GLIS3: variants seen among roughly 807,000 people sequenced by gnomAD.
GLIS3 encodes the protein GLIS family zinc finger 3.
Under a neutral mutation model 78.6 loss-of-function variants are expected in GLIS3, and 53 were observed. The observed-to-expected ratio is 0.67, with a 90% CI of 0.54 to 0.85. The LOEUF is 0.85. Ranked by LOEUF, GLIS3 falls within the 40% of genes least tolerant of loss-of-function variation. The pLI is 0.00. For missense variants in GLIS3, 1,703 were observed against 1,231.1 expected (o/e 1.38, Z -5.74); for synonymous variants, 684 against 509.9 (o/e 1.34, Z -4.60).
At chr9:4,312,297 A>G (rs556854777) in intron 2 of GLIS3, among the ~76,000 whole-genome samples, 8 of 152,150 alleles carry the variant, frequency 5.3e-5, no homozygotes, top group Non-Finnish European at 1.2e-4. Context: ...GCAAAACCCC[A>G]TCTCTACTAA....
At chr9:4,466,524 G>C in the GLIS3 span, among the ~76,000 whole-genome samples, 1 of 152,102 alleles carries the variant, frequency 6.6e-6, no homozygotes, top group Non-Finnish European at 1.5e-5. Flanking sequence ...TCATAACATA[G>C]ATATAAAATT....
At position 4,118,246 on chromosome 9, in the gene GLIS3, A is replaced by G. The variant is rs896124023; in HGVS notation, c.1232T>C (p.Met411Thr). Residue 411 changes from methionine (M) to threonine (T), a missense_variant, in exon 4 of 11, where the codon ATG becomes ACG. Coordinates refer to ENST00000381971, the MANE Select transcript of GLIS3 (RefSeq NM_001042413.2). This position sits in a 1 kb window ranked among gnomAD's most constrained non-coding sequence, Gnocchi z 4.7. ...GGLQPGLVNH[M>T]VVQHGLPGPD... is the part of the protein sequence containing the mutation. The stretch of plus-strand genomic sequence containing the variant: ...GCCCGGCAGGCCATGCTGCACCACC[A>G]TGTGGTTGACCAGGCCTGGCTGCAG... The G allele has an allele frequency of 5.0e-6, 8 of 1,591,134 alleles. No homozygotes were observed. In the African/African-American group the frequency reaches 8.0e-5, roughly 16 times the overall value.
chr9:3,878,337 A>G (rs935978696), intron 8 of GLIS3, among the ~76,000 whole-genome samples: 10 of 152,238 alleles, frequency 6.6e-5, no homozygotes, highest in East Asian at 1.9e-4. Context: ...GCATATTTTA[A>G]TAACTTTTTG....
At position 3,898,680 on chromosome 9, in the gene GLIS3, G is replaced by A; in HGVS notation, c.2128+11C>T. ...GGTAGTTGTGGTTGGCTCTGCCTTT[G>A]CTGTCTTTACCTGAATAGAGGTCAG... is the stretch of plus-strand genomic sequence containing the variant. On this transcript the variant is annotated intron_variant, in intron 7 of 10. Transcript: ENST00000381971. 1 of 1,614,024 alleles carries A rather than the reference G, an allele frequency of 6.2e-7. No individual in the cohort carries two copies. Among genetic ancestry groups the A allele is most frequent in the Non-Finnish European group, 8.5e-7 (1 of 1,179,962 alleles).
intron 4 of GLIS3, among the ~76,000 whole-genome samples, chr9:4,058,944 T>C (rs1171464679): frequency 1.3e-5 from 2 of 149,290 alleles, no homozygotes; most frequent in African/African-American, 2.5e-5. Context: ...ATTGCGCCAC[T>C]GCACTCCAGC....
chr9:4,118,254 G>A lies in GLIS3; in HGVS notation c.1224C>T (p.Val408=). The change falls in exon 4 of 11, where the codon GTC becomes GTT. Residue 408 remains valine, a synonymous_variant. Coordinates refer to ENST00000381971, the MANE Select transcript of GLIS3 (RefSeq NM_001042413.2). The surrounding 1 kb of genome is among the most constrained non-coding windows in gnomAD (Gnocchi z 4.7). The part of the protein sequence containing the change: ...LEHGGLQPGL[V]NHMVVQHGLP... ...GGCCATGCTGCACCACCATGTGGTT[G>A]ACCAGGCCTGGCTGCAGGCCGCCGT... 1 of 1,590,108 alleles carries A rather than the reference G, an allele frequency of 6.3e-7. No individual in the cohort carries two copies.
chr9:4,450,082 G>C, the GLIS3 span, among the ~76,000 whole-genome samples: 3 of 152,068 alleles, frequency 2.0e-5, no homozygotes, highest in Admixed American at 6.6e-5. Flanking sequence ...CCCATCACAA[G>C]GAAGCTAAAA....
At chr9:3,864,155 A>T (rs985560103) in intron 8 of GLIS3, among the ~76,000 whole-genome samples, 1 of 152,184 alleles carries the variant, frequency 6.6e-6, no homozygotes, top group Admixed American at 6.5e-5. Context: ...TGAAAAAAAA[A>T]TCTGCAATGA....
At chr9:4,282,368 C>T (rs776124160) in intron 2 of GLIS3, among the ~76,000 whole-genome samples, 8 of 152,186 alleles carry the variant, frequency 5.3e-5, no homozygotes, top group Non-Finnish European at 1.0e-4. Context: ...TTAGTCAGTA[C>T]ACTGAGTAAA....
chr9:4,487,342 G>A, the GLIS3 span, among the ~76,000 whole-genome samples: 1 of 152,088 alleles, frequency 6.6e-6, no homozygotes, highest in African/African-American at 2.4e-5. Flanking sequence ...TTTTGTGCCA[G>A]GGAGTGTTCT....
chr9:4,173,980 C>G (rs965027102), intron 2 of GLIS3, among the ~76,000 whole-genome samples: 30 of 152,070 alleles, frequency 2.0e-4, no homozygotes, highest in African/African-American at 7.2e-4. Context: ...AACCGAAACA[C>G]TCCCATTTGT....
intron 4 of GLIS3, among the ~76,000 whole-genome samples, chr9:4,085,315 C>A (rs1828926798): frequency 6.6e-6 from 1 of 150,776 alleles, no homozygotes; most frequent in African/African-American, 2.4e-5. Flanking sequence ...TCTAAGGGTT[C>A]TTTTTTCTTC....
the GLIS3 span, among the ~76,000 whole-genome samples, chr9:4,392,049 C>G: frequency 1.3e-5 from 2 of 152,146 alleles, no homozygotes; most frequent in Non-Finnish European, 2.9e-5. Context: ...GTACATTATA[C>G]ACCATGGAAT....
intron 2 of GLIS3, among the ~76,000 whole-genome samples, chr9:4,265,053 T>A (rs1825860598): frequency 6.6e-6 from 1 of 151,308 alleles, no homozygotes; most frequent in Non-Finnish European, 1.5e-5. Context: ...GCGCCTGTAT[T>A]CCCAGCTACT....
intron 2 of GLIS3, among the ~76,000 whole-genome samples, chr9:4,227,391 TA>T (rs1821866167): frequency 6.6e-6 from 1 of 151,990 alleles, no homozygotes; most frequent in African/African-American, 2.4e-5. Flanking sequence ...CCGAAGGTTT[TA>T]AAGCAGGACT....
chr9:4,043,512 C>T (rs1423209926), intron 4 of GLIS3, among the ~76,000 whole-genome samples: 1 of 151,874 alleles, frequency 6.6e-6, no homozygotes, highest in Non-Finnish European at 1.5e-5. Context: ...GTAGGAAGGG[C>T]TGGGAAGGGG....
chr9:4,127,703 T>C (rs540490894), intron 2 of GLIS3, among the ~76,000 whole-genome samples: 12 of 152,316 alleles, frequency 7.9e-5, no homozygotes, highest in Non-Finnish European at 1.5e-4. Context: ...ATGAATTCTC[T>C]ATATGAATTC....
intron 4 of GLIS3, among the ~76,000 whole-genome samples, chr9:4,001,091 C>T (rs1027261206): frequency 4.6e-5 from 7 of 152,132 alleles, no homozygotes; most frequent in East Asian, 1.9e-4. Context: ...AAATTTACCA[C>T]GAGTAAGCCC....
chr9:4,087,214 A>G (rs1385684150), intron 4 of GLIS3, among the ~76,000 whole-genome samples: 1 of 152,228 alleles, frequency 6.6e-6, no homozygotes, highest in Admixed American at 6.5e-5. Context: ...TCAGATGAGT[A>G]CAGAGGTAGA....
Sources: gnomAD v4.1 joint callset for allele counts (sites outside exome capture counted in the v4.1 genomes callset) on GRCh38, gnomAD v4.1.1 for gene constraint, Gnocchi (gnomAD v3.1) non-coding constraint, MANE v1.5 for transcripts, NCBI Gene and HGNC (gene_info 2026-07-23, HGNC 2026-07-21) for gene names.